The following PRUNE2 variants were observed in gnomAD, a reference collection of about 807,000 sequenced individuals.
PRUNE2 encodes the protein protein prune homolog 2.
A neutral mutation model predicts 252.0 loss-of-function variants in PRUNE2; 164 were observed. That is an observed-to-expected ratio of 0.65 (90% CI 0.57 to 0.74). PRUNE2 has a LOEUF of 0.74. Among genes scored for constraint, PRUNE2 ranks in the 30% least tolerant of loss-of-function variants. The probability of loss-of-function intolerance (pLI) is 0.00; values close to 1 mark genes in which losing one functional copy is unlikely to be tolerated. For missense variants in PRUNE2, 3,495 were observed against 3,711.0 expected, an observed-to-expected ratio of 0.94 and a Z score of 1.51; for synonymous variants, 1,292 against 1,350.2, an observed-to-expected ratio of 0.96 and a Z score of 0.94.
chr9:76,743,953 G>A (rs1166449245), intron 6 of PRUNE2, among the ~76,000 whole-genome samples: 1 of 152,146 alleles, frequency 6.6e-6, no homozygotes, highest in Non-Finnish European at 1.5e-5. Flanking sequence ...CAGATAAAGG[G>A]AAATGAGAGA....
At chr9:76,800,408 T>C (rs1371298926) in intron 6 of PRUNE2, among the ~76,000 whole-genome samples, 1 of 152,162 alleles carries the variant, frequency 6.6e-6, no homozygotes, top group Non-Finnish European at 1.5e-5. Context: ...CCCTCTAGCT[T>C]TCTATTAGAG....
At chr9:76,623,436 A>G (rs1437994824) in intron 17 of PRUNE2, among the ~76,000 whole-genome samples, 4 of 152,000 alleles carry the variant, frequency 2.6e-5, no homozygotes. Context: ...CTCGGACTAT[A>G]GGCGTGCACC....
chr9:76,691,939 G>A, intron 9 of PRUNE2: 2 of 632,948 alleles, frequency 3.2e-6, no homozygotes, highest in Non-Finnish European at 5.8e-6. Flanking sequence ...GCAGAATTCG[G>A]CATCCTCTCA....
In PRUNE2 at chr9:76,829,134, A is replaced by C. The variant is rs185603231; in HGVS notation, c.509-2402T>G. ...ACTGCTTGTACTAAGAACAAGGATA[A>C]AAGCTAAATCAAGTTTTTAAAAATC... On this transcript the variant is annotated intron_variant, in intron 4 of 18. Coordinates refer to ENST00000376718, the MANE Select transcript of PRUNE2 (RefSeq NM_015225.3). Among the ~76,000 whole-genome samples the C allele has an allele frequency of 1.3e-3, 191 of 152,274 alleles. 1 individual carries two copies. Among genetic ancestry groups the C allele is most frequent in the Non-Finnish European group, 2.6e-4 (18 of 68,016 alleles).
In PRUNE2 at chr9:76,706,231, T is replaced by C; in HGVS notation, c.6043A>G (p.Thr2015Ala). ...GAACTGACAGCAGGAAAATTTTCTG[T>C]GGCAATGCTTGAATTTGTCATCTCA... ...LGEMTNSSIA[T>A]ENFPAVSSPT... The change falls in exon 8 of 19, where the codon ACA becomes GCA. Residue 2015 changes from threonine to alanine, a missense_variant. By Grantham distance (58) the Thr-to-Ala change is moderately conservative. Coordinates refer to ENST00000376718, the MANE Select transcript of PRUNE2 (RefSeq NM_015225.3). 1.2e-6 allele frequency: 2 copies of C among 1,613,996 alleles called. No individual in the cohort carries two copies. The highest frequency in any genetic ancestry group is 1.7e-6 in the Non-Finnish European group (2 of 1,179,884).
At position 76,708,137 on chromosome 9, in the gene PRUNE2, T is replaced by C. The variant is rs1306734787; in HGVS notation, c.4137A>G (p.Lys1379=). Residue 1379 remains lysine (K), a synonymous_variant, in exon 8 of 19, where the codon AAA becomes AAG. Transcript: ENST00000376718. ...CAGCAAGAGAGCTGATTTTGCCTGATTTAATGCAGATTTCCTGATGTTCAG... is the reference window on the plus strand; with the variant it reads ...CAGCAAGAGAGCTGATTTTGCCTGACTTAATGCAGATTTCCTGATGTTCAG... The part of the protein sequence containing the change: ...VASEHQEICI[K]SGKISSLAVT... 6.2e-7 allele frequency: 1 copy of C among 1,614,020 alleles called. No individual in the cohort carries two copies. Among genetic ancestry groups the C allele is most frequent in the South Asian group, 1.1e-5 (1 of 91,080 alleles).
chr9:76,896,899 T>A (rs1487856117), intron 1 of PRUNE2, among the ~76,000 whole-genome samples: 1 of 152,238 alleles, frequency 6.6e-6, no homozygotes, highest in Non-Finnish European at 1.5e-5. Flanking sequence ...TGCATTCTTG[T>A]TCTTAACATT....
At chr9:76,756,857 C>A (rs947619996) in intron 6 of PRUNE2, among the ~76,000 whole-genome samples, 9 of 151,900 alleles carry the variant, frequency 5.9e-5, no homozygotes, top group South Asian at 4.2e-4. Flanking sequence ...GCCCTGCCCC[C>A]CCGTGATACT....
Position 76,794,723 on chromosome 9 carries a change from G to C in PRUNE2, c.756+28909C>G, listed in dbSNP as rs1002866146. On this transcript the variant is annotated intron_variant, in intron 6 of 18. Coordinates refer to ENST00000376718, the MANE Select transcript of PRUNE2 (RefSeq NM_015225.3). ...TTAGTTTCTTCACCATTTAGTAGCT[G>C]TCCGACCTCGAGCAAAGTTACATAC... is the stretch of plus-strand genomic sequence containing the variant. Among the ~76,000 whole-genome samples, 60 of 151,904 alleles carry C rather than the reference G, an allele frequency of 3.9e-4. 1 individual carries two copies. Among genetic ancestry groups the C allele is most frequent in the Admixed American group, 2.8e-3 (42 of 15,234 alleles).
chr9:76,820,479 A>G (rs2057975542), intron 6 of PRUNE2, among the ~76,000 whole-genome samples: 1 of 152,180 alleles, frequency 6.6e-6, no homozygotes, highest in Admixed American at 6.5e-5. Context: ...AGGGAGATAA[A>G]TCTTTCTAAT....
At chr9:76,893,798 C>T (rs1772189499) in intron 1 of PRUNE2, among the ~76,000 whole-genome samples, 1 of 152,130 alleles carries the variant, frequency 6.6e-6, no homozygotes, top group Non-Finnish European at 1.5e-5. Context: ...GATCTGCATC[C>T]ACCACAGTGA....
chr9:76,779,368 C>T (rs2054133350), intron 6 of PRUNE2, among the ~76,000 whole-genome samples: 1 of 151,990 alleles, frequency 6.6e-6, no homozygotes, highest in Admixed American at 6.6e-5. Context: ...TGTAAATTTA[C>T]AGTTTCCTTC....
chr9:76,626,179 A>C (rs923199534), intron 16 of PRUNE2, among the ~76,000 whole-genome samples: 1 of 152,220 alleles, frequency 6.6e-6, no homozygotes, highest in Non-Finnish European at 1.5e-5. Flanking sequence ...TTCAGTATTC[A>C]CTAATTAAGT....
Position 76,644,673 on chromosome 9 carries a change from C to A in PRUNE2, c.8728+66G>T, listed in dbSNP as rs1054715409. 3.5e-5 allele frequency: 53 copies of A among 1,504,932 alleles called. No homozygotes were observed. The Admixed American group carries it at 6.0e-4, about 17-fold the overall frequency. The allele number at this position is 1,504,932 out of a possible 1,614,324, so 93.2% of individuals were successfully genotyped here. A position where few individuals can be genotyped will look rare whatever the true frequency, so the allele number is the denominator to read the frequency against. On this transcript the variant is annotated intron_variant, in intron 12 of 18. Coordinates refer to ENST00000376718, the MANE Select transcript of PRUNE2 (RefSeq NM_015225.3). Reference sequence around the variant, plus strand: ...CATGTTCCGGAGAAGTCTAGACTCACTTCATGATTTTAAATAAAATGGCTG... The same window carrying A: ...CATGTTCCGGAGAAGTCTAGACTCAATTCATGATTTTAAATAAAATGGCTG...
intron 16 of PRUNE2, chr9:76,624,895 CT>C: frequency 1.9e-6 from 1 of 516,542 alleles, no homozygotes; most frequent in Non-Finnish European, 3.4e-6. Context: ...AGGACAAAGA[CT>C]GAAAATGGCA....
intron 9 of PRUNE2, among the ~76,000 whole-genome samples, chr9:76,695,502 A>G (rs895009677): frequency 1.9e-4 from 29 of 152,242 alleles, no homozygotes; most frequent in African/African-American, 7.0e-4. Context: ...GAGGAACTGT[A>G]ATGAACAAGA....
chr9:76,761,319 T>C (rs2051708671), intron 6 of PRUNE2, among the ~76,000 whole-genome samples: 1 of 152,054 alleles, frequency 6.6e-6, no homozygotes, highest in African/African-American at 2.4e-5. Flanking sequence ...TGGTCAGAAG[T>C]GGAACACACC....
At chr9:76,644,709 A>G in intron 12 of PRUNE2, 30 bp downstream of exon 12, 3 of 1,609,002 alleles carry the variant, frequency 1.9e-6, no homozygotes, top group Non-Finnish European at 2.6e-6. Context: ...CCCCTTCCCC[A>G]TTTCCCAGAT....
At chr9:76,633,214 TCC>T (rs1838499907) in intron 15 of PRUNE2, among the ~76,000 whole-genome samples, 1 of 151,634 alleles carries the variant, frequency 6.6e-6, no homozygotes, top group African/African-American at 2.4e-5. Flanking sequence ...AGAGTGAAAC[TCC>T]CTTTCAAAAA....
Sources: allele counts gnomAD v4.1 joint callset (sites outside exome capture counted in the v4.1 genomes callset), GRCh38; gene constraint gnomAD v4.1.1; transcripts MANE v1.5; gene names NCBI Gene and HGNC (gene_info 2026-07-23, HGNC 2026-07-21).